The following AUTS2 variants were observed in gnomAD, a reference collection of about 807,000 sequenced individuals.
AUTS2 encodes activator of transcription and developmental regulator AUTS2.
In AUTS2, 17 loss-of-function variants were observed where a neutral mutation model predicts 112.4. The observed-to-expected ratio is 0.15, with a 90% CI of 0.10 to 0.23. The LOEUF (loss-of-function observed/expected upper bound fraction) is 0.23, where lower values mean the gene tolerates loss of function less well. Ranked by LOEUF, AUTS2 falls within the 10% of genes least tolerant of loss-of-function variation. The pLI, the probability that AUTS2 is intolerant of heterozygous loss-of-function variation, is 1.00. For synonymous variants in AUTS2, 751 were observed against 702.7 expected, an observed-to-expected ratio of 1.07 and a Z score of -1.09; for missense variants, 1,510 against 1,701.6, an observed-to-expected ratio of 0.89 and a Z score of 1.98.
chr7:70,027,179 A>AT (rs1268851228), intron 2 of AUTS2, among the ~76,000 whole-genome samples: 1 of 152,174 alleles, frequency 6.6e-6, no homozygotes, highest in African/African-American at 2.4e-5. Context: ...CAATGGGCTT[A>AT]TTGGGATATA....
At chr7:70,398,430 A>G (rs1794181633) in intron 4 of AUTS2, among the ~76,000 whole-genome samples, 1 of 152,020 alleles carries the variant, frequency 6.6e-6, no homozygotes, top group Non-Finnish European at 1.5e-5. Flanking sequence ...AATATTTTGT[A>G]TTTTTTAATG....
chr7:70,290,253 C>T, intron 4 of AUTS2: 4 of 1,125,902 alleles, frequency 3.6e-6, no homozygotes, highest in Non-Finnish European at 4.7e-6. Flanking sequence ...AAATAATTTC[C>T]CAATTTTATA....
At chr7:70,191,583 G>A (rs573160422) in intron 4 of AUTS2, among the ~76,000 whole-genome samples, 45 of 152,232 alleles carry the variant, frequency 3.0e-4, no homozygotes, top group African/African-American at 8.9e-4. Flanking sequence ...AGGAATGTGC[G>A]TACTGCATAA....
rs1304441388 is a variant in AUTS2 at position 70,762,975 on chromosome 7, A to G, written c.848A>G (p.Asp283Gly). Residue 283 changes from aspartate (D) to glycine (G), a missense_variant, in exon 7 of 19, where the codon GAC becomes GGC. By Grantham distance (94) the Asp-to-Gly change is moderately conservative. Transcript: ENST00000342771. ...GLERSQEKSQDCCKEPIFEPV... is the reference protein window; with the variant it reads ...GLERSQEKSQGCCKEPIFEPV... ...GAGAGAAGCCAGGAGAAGAGCCAGG[A>G]CTGTTGCAAAGAGCCAATCTTTGAG... The G allele has an allele frequency of 6.2e-7, 1 of 1,614,108 alleles. No individual in the cohort carries two copies.
At chr7:70,324,110 G>A (rs763282996) in intron 4 of AUTS2, among the ~76,000 whole-genome samples, 11 of 152,184 alleles carry the variant, frequency 7.2e-5, no homozygotes, top group Admixed American at 1.3e-4. Flanking sequence ...GAACCTTGGC[G>A]TCATCAGCTA....
At chr7:70,697,570 C>CG (rs1554464390) in intron 5 of AUTS2, among the ~76,000 whole-genome samples, 5 of 142,594 alleles carry the variant, frequency 3.5e-5, no homozygotes, top group Non-Finnish European at 7.7e-5. Flanking sequence ...TCCCCCCCCC[C>CG]ATTTCCTATA....
chr7:69,857,116 A>T (rs1792763502), intron 1 of AUTS2, among the ~76,000 whole-genome samples: 1 of 152,062 alleles, frequency 6.6e-6, no homozygotes, highest in South Asian at 2.1e-4. Context: ...GGCACCTTGG[A>T]GTGATGGAAT....
chr7:69,625,267 G>C (rs1294001762), intron 1 of AUTS2, among the ~76,000 whole-genome samples: 1 of 152,184 alleles, frequency 6.6e-6, no homozygotes. Context: ...AGTTCTGTGT[G>C]TCTACTGTCA....
intron 1 of AUTS2, among the ~76,000 whole-genome samples, chr7:69,848,373 C>T (rs1792307556): frequency 6.6e-6 from 1 of 152,178 alleles, no homozygotes; most frequent in Non-Finnish European, 1.5e-5. Context: ...AATATGAGAG[C>T]AGAGCACGTT....
chr7:70,683,862 T>C (rs1415375147), intron 5 of AUTS2, among the ~76,000 whole-genome samples: 1 of 152,146 alleles, frequency 6.6e-6, no homozygotes, highest in African/African-American at 2.4e-5. Context: ...GGAATGGCCA[T>C]AGTAGGGTTT....
chr7:70,181,445 C>A (rs528559085), intron 4 of AUTS2, among the ~76,000 whole-genome samples: 1 of 151,840 alleles, frequency 6.6e-6, no homozygotes, highest in African/African-American at 2.4e-5. Context: ...TTATTTCACT[C>A]CTCCTTTGTC....
At chr7:70,526,660 T>A (rs1171993280) in intron 5 of AUTS2, among the ~76,000 whole-genome samples, 1 of 152,138 alleles carries the variant, frequency 6.6e-6, no homozygotes, top group Non-Finnish European at 1.5e-5. Flanking sequence ...ACAGCAAGAC[T>A]CTGTGTCAAA....
intron 15 of AUTS2, chr7:70,782,090 A>T (rs1791128767): frequency 3.8e-6 from 1 of 266,114 alleles, no homozygotes; most frequent in African/African-American, 2.2e-5. Flanking sequence ...GCAGATCGGA[A>T]GGAAACAATG....
intron 5 of AUTS2, among the ~76,000 whole-genome samples, chr7:70,573,196 A>G (rs1403074811): frequency 6.6e-6 from 1 of 152,212 alleles, no homozygotes; most frequent in Admixed American, 6.5e-5. Context: ...TTTGTCACAG[A>G]TGTCCAGCCT....
Position 69,630,006 on chromosome 7 carries a change from G to T in AUTS2, c.309+30044G>T, listed in dbSNP as rs561070801. ...CATAATTTATACCCTTGAAGATGTTGCATGGCAATACCTTCTGGTGGGTGG... is the reference window on the plus strand; with the variant it reads ...CATAATTTATACCCTTGAAGATGTTTCATGGCAATACCTTCTGGTGGGTGG... On this transcript the variant is annotated intron_variant, in intron 1 of 18. Transcript: ENST00000342771. Among the ~76,000 whole-genome samples the T allele has an allele frequency of 7.2e-4, 109 of 152,230 alleles. 2 individuals carry two copies. Among genetic ancestry groups the T allele is most frequent in the African/African-American group, 2.4e-3 (98 of 41,532 alleles).
At chr7:69,876,014 T>G (rs1793719192) in intron 1 of AUTS2, among the ~76,000 whole-genome samples, 1 of 152,018 alleles carries the variant, frequency 6.6e-6, no homozygotes, top group Non-Finnish European at 1.5e-5. Flanking sequence ...TAGAATTCAT[T>G]TGATAGTACA....
At chr7:69,611,363 G>A (rs1051060664) in intron 1 of AUTS2, among the ~76,000 whole-genome samples, 2 of 152,180 alleles carry the variant, frequency 1.3e-5, no homozygotes, top group Non-Finnish European at 2.9e-5. Context: ...TTCAGCCTGT[G>A]TGCTGGGAGG....
intron 1 of AUTS2, among the ~76,000 whole-genome samples, chr7:69,621,854 C>T (rs910130988): frequency 2.6e-5 from 4 of 151,772 alleles, no homozygotes; most frequent in South Asian, 4.1e-4. Context: ...AAGAGCCATT[C>T]GCAGACTTTA....
chr7:70,715,287 A>G (rs1329785468), intron 6 of AUTS2, among the ~76,000 whole-genome samples: 2 of 152,182 alleles, frequency 1.3e-5, no homozygotes, highest in African/African-American at 4.8e-5. Flanking sequence ...CTTTTCTTAC[A>G]TGGTTTGTGT....
Sources: allele counts gnomAD v4.1 joint callset (sites outside exome capture counted in the v4.1 genomes callset), GRCh38; gene constraint gnomAD v4.1.1; transcripts MANE v1.5; gene names NCBI Gene and HGNC (gene_info 2026-07-23, HGNC 2026-07-21).